The following PLCB4 variants were observed in gnomAD, a reference collection of about 807,000 sequenced individuals.
PLCB4 encodes the protein 1-phosphatidylinositol 4,5-bisphosphate phosphodiesterase beta-4.
Under a neutral mutation model 178.8 loss-of-function variants are expected in PLCB4, and 77 were observed. That is an observed-to-expected ratio of 0.43 (90% CI 0.36 to 0.52). The LOEUF is 0.52. Ranked by LOEUF, PLCB4 falls within the 20% of genes least tolerant of loss-of-function variation. The pLI, the probability that PLCB4 is intolerant of heterozygous loss-of-function variation, is 0.00. For synonymous variants in PLCB4, 496 were observed against 490.8 expected, an observed-to-expected ratio of 1.01 and a Z score of -0.14; for missense variants, 1,024 against 1,453.4, an observed-to-expected ratio of 0.70 and a Z score of 4.80.
At chr20:9,309,646 A>G (rs1489964750) in intron 4 of PLCB4, among the ~76,000 whole-genome samples, 2 of 152,210 alleles carry the variant, frequency 1.3e-5, no homozygotes, top group Non-Finnish European at 2.9e-5. Context: ...TCCAATTCAG[A>G]CTAATAATTC....
chr20:9,445,222 T>C (rs1356451773), intron 32 of PLCB4, among the ~76,000 whole-genome samples: 24 of 152,190 alleles, frequency 1.6e-4, no homozygotes, highest in Admixed American at 1.6e-3. Flanking sequence ...TAAGAACATA[T>C]AATAACCAGC....
intron 1 of PLCB4, among the ~76,000 whole-genome samples, chr20:9,076,423 C>T (rs1031461548): frequency 6.6e-6 from 1 of 152,120 alleles, no homozygotes; most frequent in African/African-American, 2.4e-5. Context: ...GCCGAGATCA[C>T]ATAACTGCAC....
At chr20:9,319,704 C>G (rs967322025) in intron 4 of PLCB4, among the ~76,000 whole-genome samples, 1 of 152,134 alleles carries the variant, frequency 6.6e-6, no homozygotes, top group African/African-American at 2.4e-5. Flanking sequence ...CCATTTTGTT[C>G]AGTTCAAGCC....
chr20:9,183,241 C>A (rs571358914), intron 2 of PLCB4, among the ~76,000 whole-genome samples: 2 of 152,184 alleles, frequency 1.3e-5, no homozygotes, highest in Non-Finnish European at 2.9e-5. Flanking sequence ...AGCCAAGGTA[C>A]CCCAAGCATA....
chr20:9,465,106 T>C (rs2043676450), intron 35 of PLCB4, among the ~76,000 whole-genome samples: 1 of 152,224 alleles, frequency 6.6e-6, no homozygotes, highest in Admixed American at 6.5e-5. Context: ...GTCGGCTTCA[T>C]CCCTGGGATG....
Position 9,122,334 on chromosome 20 carries a change from A to G in PLCB4, c.-79+25992A>G, listed in dbSNP as rs557207307. Among the ~76,000 whole-genome samples the G allele has an allele frequency of 3.3e-5, 5 of 152,282 alleles. No individual in the cohort carries two copies. In the East Asian group the frequency reaches 9.6e-4, roughly 29 times the overall value. ...AAATAAAATTGGGATTATATTGGAC[A>G]TACAATCCTGTTTTTTTTTCTGTTA... On this transcript the variant is annotated intron_variant, in intron 2 of 39. Coordinates refer to ENST00000378473, the MANE Select transcript of PLCB4 (RefSeq NM_001377142.1).
intron 2 of PLCB4, among the ~76,000 whole-genome samples, chr20:9,210,112 T>C (rs1209250320): frequency 6.6e-6 from 1 of 151,970 alleles, no homozygotes; most frequent in African/African-American, 2.4e-5. Flanking sequence ...AGAAAACTAA[T>C]ACACGAAGGA....
chr20:9,299,084 G>A (rs1467732893), intron 3 of PLCB4, among the ~76,000 whole-genome samples: 1 of 152,012 alleles, frequency 6.6e-6, no homozygotes, highest in Non-Finnish European at 1.5e-5. Flanking sequence ...TAATGAATAA[G>A]GATCAGTCAT....
intron 2 of PLCB4, among the ~76,000 whole-genome samples, chr20:9,200,163 T>C (rs2093524944): frequency 6.6e-6 from 1 of 151,426 alleles, no homozygotes; most frequent in Admixed American, 6.6e-5. Context: ...ACTTAGTATG[T>C]CACTGTGTTT....
intron 5 of PLCB4, 127 bp downstream of exon 5, chr20:9,337,333 G>T: frequency 1.5e-6 from 1 of 670,536 alleles, no homozygotes. Context: ...TTTTAAAAAT[G>T]TGCCTACATG....
intron 3 of PLCB4, among the ~76,000 whole-genome samples, chr20:9,261,015 C>G (rs1374892561): frequency 6.6e-6 from 1 of 152,108 alleles, no homozygotes; most frequent in Non-Finnish European, 1.5e-5. Flanking sequence ...CAAGTGTTCG[C>G]ACTTTCAAAG....
chr20:9,149,272 C>G (rs569735764), intron 2 of PLCB4, among the ~76,000 whole-genome samples: 2 of 152,264 alleles, frequency 1.3e-5, no homozygotes, highest in East Asian at 3.9e-4. Context: ...TCAGTTGGCT[C>G]TAGCCTCTAG....
intron 3 of PLCB4, among the ~76,000 whole-genome samples, chr20:9,292,997 T>G (rs560618813): frequency 1.3e-5 from 2 of 152,064 alleles, no homozygotes; most frequent in Non-Finnish European, 2.9e-5. Context: ...GAGAATCGCT[T>G]GAACCCAGGA....
intron 32 of PLCB4, 89 bp from the exon 33 acceptor site, chr20:9,453,258 C>A (rs987139056): frequency 8.1e-6 from 6 of 744,732 alleles, no homozygotes; most frequent in Admixed American, 4.5e-5. Context: ...AATGAAGACT[C>A]TAGGGAAGCT....
At chr20:9,146,361 A>G (rs1011869429) in intron 2 of PLCB4, among the ~76,000 whole-genome samples, 1 of 152,128 alleles carries the variant, frequency 6.6e-6, no homozygotes, top group Non-Finnish European at 1.5e-5. Flanking sequence ...TATTAAAAGT[A>G]GATCAGGATG....
intron 2 of PLCB4, among the ~76,000 whole-genome samples, chr20:9,207,571 G>T (rs2093628119): frequency 6.6e-6 from 1 of 152,232 alleles, no homozygotes; most frequent in South Asian, 2.1e-4. Flanking sequence ...GCTGCCTGTG[G>T]CTGGTGGCAC....
intron 2 of PLCB4, among the ~76,000 whole-genome samples, chr20:9,098,564 A>G (rs1284884407): frequency 2.0e-5 from 3 of 151,158 alleles, no homozygotes; most frequent in South Asian, 4.2e-4. Flanking sequence ...GAGTATTGTA[A>G]AAGTCCTGGA....
Position 9,069,794 on chromosome 20 carries a change from T to C in PLCB4, c.-135+588T>C, listed in dbSNP as rs542811200. On this transcript the variant is annotated intron_variant, in intron 1 of 39. Transcript: ENST00000378473. ...GGTACTGAATCGAAGTATGGAAATA[T>C]GGAATTCTCTAATTTCCAAGTGTGT... is the stretch of plus-strand genomic sequence containing the variant. Among the ~76,000 whole-genome samples the C allele has an allele frequency of 3.3e-5, 5 of 152,376 alleles. No homozygotes were observed. The South Asian group carries it at 8.3e-4, about 25-fold the overall frequency.
At chr20:9,424,249 ACAAT>A (rs1481346878) in intron 28 of PLCB4, among the ~76,000 whole-genome samples, 1 of 152,194 alleles carries the variant, frequency 6.6e-6, no homozygotes, top group Non-Finnish European at 1.5e-5. Context: ...ATTTATATTG[ACAAT>A]CAGACTAGGG....
Sources: allele counts gnomAD v4.1 joint callset (sites outside exome capture counted in the v4.1 genomes callset), GRCh38; gene constraint gnomAD v4.1.1; transcripts MANE v1.5; gene names NCBI Gene and HGNC (gene_info 2026-07-23, HGNC 2026-07-21).